Variants in KIAA1217 observed in about 807,000 individuals in gnomAD.
KIAA1217 encodes the protein sickle tail protein homolog.
KIAA1217 carries 88 observed loss-of-function variants against 163.9 expected under a neutral mutation model. The observed-to-expected ratio is 0.54, with a 90% confidence interval of 0.45 to 0.64. The LOEUF (loss-of-function observed/expected upper bound fraction) is 0.64. Ranked by LOEUF, KIAA1217 falls within the 30% of genes least tolerant of loss-of-function variation. KIAA1217 has a pLI of 0.00. For synonymous variants in KIAA1217, 903 were observed against 923.1 expected (o/e 0.98, Z 0.39); for missense variants, 2,372 against 2,475.0 (o/e 0.96, Z 0.88).
intron 1 of KIAA1217, among the ~76,000 whole-genome samples, chr10:23,836,511 A>G (rs1169425359): frequency 2.9e-5 from 4 of 137,844 alleles, no homozygotes; most frequent in African/African-American, 8.9e-5. Context: ...AGCCTCCAGA[A>G]CTGCTTTTTT....
intron 2 of KIAA1217, among the ~76,000 whole-genome samples, chr10:24,244,956 A>C (rs1590183650): frequency 6.6e-6 from 1 of 152,116 alleles, no homozygotes. Flanking sequence ...TCCTGGTTGT[A>C]TAATTACAAG....
intron 2 of KIAA1217, among the ~76,000 whole-genome samples, chr10:24,369,755 C>T (rs1376231386): frequency 6.6e-6 from 1 of 152,188 alleles, no homozygotes; most frequent in Non-Finnish European, 1.5e-5. Flanking sequence ...AATCCTCACA[C>T]AGACACCTTT....
intron 1 of KIAA1217, among the ~76,000 whole-genome samples, chr10:23,715,934 C>A (rs1204846048): frequency 6.6e-6 from 1 of 152,112 alleles, no homozygotes; most frequent in Non-Finnish European, 1.5e-5. Flanking sequence ...AAGGGAAACA[C>A]ATTGCACCAA....
intron 2 of KIAA1217, among the ~76,000 whole-genome samples, chr10:24,007,931 A>G (rs181009731): frequency 3.0e-3 from 455 of 152,312 alleles, no homozygotes; most frequent in Non-Finnish European, 4.2e-3. Flanking sequence ...ATCAGCCTAC[A>G]TGAGTGGCCT....
At chr10:24,531,694 A>G in intron 14 of KIAA1217, 136 bp from the exon 15 acceptor site, 1 of 776,580 alleles carries the variant, frequency 1.3e-6, no homozygotes, top group Non-Finnish European at 1.9e-6. Context: ...TTTAGGGTCT[A>G]TACACTTAAT....
chr10:24,264,149 G>T (rs947626311), intron 2 of KIAA1217, among the ~76,000 whole-genome samples: 3 of 152,006 alleles, frequency 2.0e-5, no homozygotes, highest in Non-Finnish European at 2.9e-5. Context: ...GTGAGCCACC[G>T]CTCCCAGCCC....
intron 2 of KIAA1217, among the ~76,000 whole-genome samples, chr10:24,311,274 G>C (rs1031146514): frequency 1.3e-5 from 2 of 152,136 alleles, no homozygotes; most frequent in South Asian, 4.1e-4. Context: ...AATCGAGACT[G>C]GTTGATATTT....
chr10:23,730,388 G>A (rs763161893), intron 1 of KIAA1217, among the ~76,000 whole-genome samples: 30 of 152,166 alleles, frequency 2.0e-4, no homozygotes, highest in Non-Finnish European at 1.0e-4. Flanking sequence ...CTACTGTTTG[G>A]CGAATACCGT....
intron 2 of KIAA1217, among the ~76,000 whole-genome samples, chr10:24,292,206 G>T (rs930355589): frequency 4.6e-5 from 7 of 152,202 alleles, no homozygotes; most frequent in African/African-American, 1.2e-4. Flanking sequence ...TTAAGTGGAT[G>T]TAGTTTGCAG....
At chr10:23,858,783 T>G (rs866008302) in intron 1 of KIAA1217, among the ~76,000 whole-genome samples, 1 of 152,150 alleles carries the variant, frequency 6.6e-6, no homozygotes, top group Non-Finnish European at 1.5e-5. Context: ...CGTGGTGCCC[T>G]TTCAAGTCTA....
intron 2 of KIAA1217, among the ~76,000 whole-genome samples, chr10:24,197,804 T>C (rs1177952176): frequency 6.6e-6 from 1 of 152,258 alleles, no homozygotes; most frequent in African/African-American, 2.4e-5. Flanking sequence ...ACAAATCTGA[T>C]CATGTCCTTA....
At chr10:23,992,607 C>CTTTTTTTTTTTTTTTT (rs368335847) in intron 1 of KIAA1217, among the ~76,000 whole-genome samples, 1 of 127,930 alleles carries the variant, frequency 7.8e-6, no homozygotes, top group African/African-American at 2.9e-5. Context: ...GCCATCATTT[C>CTTTTTTTTTTTTTTTT]TTTTTTTTTT....
intron 2 of KIAA1217, among the ~76,000 whole-genome samples, chr10:24,253,992 A>G (rs559096113): frequency 1.3e-5 from 2 of 152,182 alleles, no homozygotes; most frequent in East Asian, 1.9e-4. Context: ...GTTCTATGCA[A>G]TCATGTCTGA....
chr10:23,746,363 G>A (rs10828535), intron 1 of KIAA1217, among the ~76,000 whole-genome samples: 9,710 of 152,200 alleles, frequency 0.064, 570 homozygotes, highest in African/African-American at 0.15. Context: ...CTGAGGAACC[G>A]TGAGCCAAAT....
Position 24,093,141 on chromosome 10 carries a change from G to A in KIAA1217, c.-171+85767G>A, listed in dbSNP as rs369782364. Among the ~76,000 whole-genome samples the A allele has an allele frequency of 1.3e-3, 204 of 151,502 alleles. 8 individuals are homozygous for A. The South Asian group carries it at 0.041, about 30-fold the overall frequency. The stretch of plus-strand genomic sequence containing the variant: ...CACAAGTATCTGGGACTACAGGCAC[G>A]TGTCACCATGCCCAGTTATTTTTAT... On this transcript the variant is annotated intron_variant, in intron 2 of 18. Coordinates refer to the KIAA1217 transcript ENST00000376462.
chr10:24,386,760 T>A (rs1455793780), intron 3 of KIAA1217, among the ~76,000 whole-genome samples: 1 of 152,008 alleles, frequency 6.6e-6, no homozygotes, highest in Non-Finnish European at 1.5e-5. Context: ...TTTTATTTTT[T>A]TTTAGAAATG....
intron 12 of KIAA1217, among the ~76,000 whole-genome samples, chr10:24,522,918 T>G (rs1447066517): frequency 2.0e-5 from 3 of 152,116 alleles, no homozygotes; most frequent in Non-Finnish European, 4.4e-5. Context: ...GAGGCTACAG[T>G]GAGCCGAGGT....
chr10:24,307,863 T>C (rs976734298), intron 2 of KIAA1217, among the ~76,000 whole-genome samples: 1 of 152,190 alleles, frequency 6.6e-6, no homozygotes, highest in African/African-American at 2.4e-5. Context: ...CCATTCATTG[T>C]GGAGGCAAAA....
At chr10:23,719,599 T>TAAATAAATAAATAAACAAACAAAC (rs1338495673) in intron 1 of KIAA1217, among the ~76,000 whole-genome samples, 42 of 147,856 alleles carry the variant, frequency 2.8e-4, no homozygotes, top group African/African-American at 1.0e-3. Flanking sequence ...AATAAATAAA[T>TAAATAAATAAATAAACAAACAAAC]AAATAAATAA....
Sources: gnomAD v4.1 joint callset for allele counts (sites outside exome capture counted in the v4.1 genomes callset) on GRCh38, gnomAD v4.1.1 for gene constraint, MANE v1.5 for transcripts, NCBI Gene and HGNC (gene_info 2026-07-23, HGNC 2026-07-21) for gene names.